The following RPS6KA5 variants were observed in gnomAD, a reference collection of about 807,000 sequenced individuals.
The protein encoded by RPS6KA5 is ribosomal protein S6 kinase A5, also known as ribosomal protein S6 kinase alpha-5.
In RPS6KA5, 27 loss-of-function variants were observed where a neutral mutation model predicts 85.5. The ratio of observed to expected loss-of-function variants is 0.32; its 90% confidence interval spans 0.23 to 0.44. RPS6KA5 has a LOEUF of 0.44. Ranked by LOEUF, RPS6KA5 falls within the 20% of genes least tolerant of loss-of-function variation. The pLI, the probability that RPS6KA5 is intolerant of heterozygous loss-of-function variation, is 1.00. For synonymous variants in RPS6KA5, 334 were observed against 348.2 expected, an observed-to-expected ratio of 0.96 and a Z score of 0.46; for missense variants, 811 against 980.9, an observed-to-expected ratio of 0.83 and a Z score of 2.31.
chr14:91,025,688 G>C (rs1173824977), intron 1 of RPS6KA5, among the ~76,000 whole-genome samples: 10 of 151,728 alleles, frequency 6.6e-5, no homozygotes, highest in Admixed American at 6.6e-4. Context: ...AATCGTCAAG[G>C]CAAATGAGAA....
Position 90,906,226 on chromosome 14 carries a change from A to C in RPS6KA5, c.880T>G (p.Leu294Val), listed in dbSNP as rs996283858. 2 of 1,613,066 alleles carry C rather than the reference A, an allele frequency of 1.2e-6. No homozygotes were observed. The highest frequency in any genetic ancestry group is 2.7e-5 in the African/African-American group (2 of 74,882). Residue 294 changes from leucine (L) to valine (V), a missense_variant, in exon 8 of 17, where the codon TTG becomes GTG. Physicochemically the swap from Leu to Val is conservative, Grantham distance 32 (BLOSUM62 1). Around this residue, in one of 3 missense-constraint regions of RPS6KA5, gnomAD observed 650 missense variants for 793.4 expected, o/e 0.82. Transcript: ENST00000614987. ...AATCTCTTCTTGGGATCTTTCATCAAAAGACGCTGAATTAGGTCTTTCGCT... is the reference window on the plus strand; with the variant it reads ...AATCTCTTCTTGGGATCTTTCATCACAAGACGCTGAATTAGGTCTTTCGCT... Reference protein sequence around the residue: ...ALAKDLIQRLLMKDPKKRLGC... With the variant: ...ALAKDLIQRLVMKDPKKRLGC...
intron 1 of RPS6KA5, among the ~76,000 whole-genome samples, chr14:91,044,250 G>C (rs180807834): frequency 1.7e-5 from 2 of 119,514 alleles, no homozygotes; most frequent in African/African-American, 6.6e-5. Flanking sequence ...GGAGAGAGGG[G>C]GAGAGAGAGA....
chr14:90,960,747 G>T (rs1267387695), intron 3 of RPS6KA5, among the ~76,000 whole-genome samples: 1 of 152,190 alleles, frequency 6.6e-6, no homozygotes, highest in East Asian at 1.9e-4. Flanking sequence ...TTAGATTTCT[G>T]AAAATTCCTT....
At chr14:90,991,449 C>A (rs987757500) in intron 2 of RPS6KA5, among the ~76,000 whole-genome samples, 1 of 152,030 alleles carries the variant, frequency 6.6e-6, no homozygotes, top group Non-Finnish European at 1.5e-5. Flanking sequence ...TACCTGTAAT[C>A]CCAACACTTT....
chr14:90,928,657 A>G (rs763825873), intron 5 of RPS6KA5, among the ~76,000 whole-genome samples: 3 of 151,734 alleles, frequency 2.0e-5, no homozygotes, highest in Non-Finnish European at 2.9e-5. Context: ...ACATTCAAGA[A>G]GAAATAAAAA....
At chr14:90,900,868 T>C (rs973564094) in intron 9 of RPS6KA5, 132 bp from the exon 10 acceptor site, 7 of 716,194 alleles carry the variant, frequency 9.8e-6, no homozygotes, top group Non-Finnish European at 1.5e-5. Context: ...AATTTTATTT[T>C]ATTTGCAATC....
At chr14:90,886,158 C>A (rs1040874042) in intron 14 of RPS6KA5, among the ~76,000 whole-genome samples, 4 of 151,826 alleles carry the variant, frequency 2.6e-5, no homozygotes, top group Non-Finnish European at 4.4e-5. Context: ...GAAGAGCGTG[C>A]ACACTAGAAA....
chr14:90,904,014 T>A (rs1291602993), intron 8 of RPS6KA5, among the ~76,000 whole-genome samples: 3 of 151,844 alleles, frequency 2.0e-5, no homozygotes, highest in Non-Finnish European at 4.4e-5. Flanking sequence ...TGGCGCGATC[T>A]CGGCTCACTA....
At chr14:90,892,931 G>A (rs530731552) in intron 13 of RPS6KA5, among the ~76,000 whole-genome samples, 17 of 152,132 alleles carry the variant, frequency 1.1e-4, no homozygotes, top group African/African-American at 3.1e-4. Context: ...CATTTCAAGT[G>A]AGTATTTGAA....
At chr14:90,934,877 T>C (rs1397876655) in intron 5 of RPS6KA5, among the ~76,000 whole-genome samples, 2 of 152,178 alleles carry the variant, frequency 1.3e-5, no homozygotes, top group African/African-American at 4.8e-5. Flanking sequence ...TATTGTGTAA[T>C]AGTGTTTTAA....
chr14:90,990,570 T>G (rs779222143), intron 2 of RPS6KA5, among the ~76,000 whole-genome samples: 22 of 152,176 alleles, frequency 1.4e-4, no homozygotes, highest in Non-Finnish European at 2.9e-4. Context: ...AAAAGACATA[T>G]GTACTCATAT....
In RPS6KA5 at chr14:90,848,329, G is replaced by T. The variant is rs1360626546; in HGVS notation, c.*23745C>A. On this transcript the variant is annotated 3_prime_UTR_variant, in exon 17 of 17. Transcript: ENST00000614987. ...TATCTATAGCAACGAAGGGAACATG[G>T]AACATTAGCCCTCCTAAACAATTCC... The T allele has an allele frequency of 6.6e-6, 1 of 152,136 alleles. No individual in the cohort carries two copies. The highest frequency in any genetic ancestry group is 1.5e-5 in the Non-Finnish European group (1 of 68,034). The allele number at this position is 152,136 out of a possible 1,614,324, so 9.4% of individuals were successfully genotyped here. A position where few individuals can be genotyped will look rare whatever the true frequency, so the allele number is the denominator to read the frequency against.
At position 90,852,544 on chromosome 14, in the gene RPS6KA5, A is replaced by G. The variant is rs1335324584; in HGVS notation, c.*19530T>C. The G allele has an allele frequency of 6.6e-6, 1 of 152,212 alleles. No individual in the cohort carries two copies. Among genetic ancestry groups the G allele is most frequent in the African/African-American group, 2.4e-5 (1 of 41,452 alleles). The allele number at this position is 152,212 out of a possible 1,614,324, so 9.4% of individuals were successfully genotyped here. On this transcript the variant is annotated 3_prime_UTR_variant, in exon 17 of 17. Coordinates refer to ENST00000614987, the MANE Select transcript of RPS6KA5 (RefSeq NM_004755.4). ...AATGAAAAGTGCAAAGGTTAAGGGA[A>G]AAACAGCATCTGATATGTGCACCCT...
chr14:90,977,401 G>A (rs1478746946), intron 3 of RPS6KA5, among the ~76,000 whole-genome samples: 1 of 152,206 alleles, frequency 6.6e-6, no homozygotes, highest in Non-Finnish European at 1.5e-5. Context: ...GTCTGGGAAT[G>A]TGTGTGAGGA....
At chr14:91,017,554 T>C (rs987151054) in intron 1 of RPS6KA5, among the ~76,000 whole-genome samples, 4 of 152,216 alleles carry the variant, frequency 2.6e-5, no homozygotes, top group African/African-American at 9.6e-5. Flanking sequence ...CAGCACCAGA[T>C]GGATGCCAAT....
rs185272060 is a variant in RPS6KA5 at position 90,957,081 on chromosome 14, T to C, written c.395-9531A>G. Among the ~76,000 whole-genome samples, 659 of 152,160 alleles carry C rather than the reference T, an allele frequency of 4.3e-3. 6 individuals carry two copies. The highest frequency in any genetic ancestry group is 0.015 in the African/African-American group (637 of 41,524). ...GTGTTTTTTGTTTTGTTTTGTTTTT[T>C]TGAGACAGAGTCTCACTCTGTCACC... On this transcript the variant is annotated intron_variant, in intron 3 of 16. Coordinates refer to ENST00000614987, the MANE Select transcript of RPS6KA5 (RefSeq NM_004755.4).
intron 1 of RPS6KA5, among the ~76,000 whole-genome samples, chr14:91,020,739 T>C (rs998005309): frequency 6.6e-6 from 1 of 151,956 alleles, no homozygotes; most frequent in African/African-American, 2.4e-5. Flanking sequence ...TCCTTGAGTA[T>C]AAAATCCAGT....
At chr14:90,993,952 G>A (rs1463205398) in intron 2 of RPS6KA5, among the ~76,000 whole-genome samples, 2 of 151,028 alleles carry the variant, frequency 1.3e-5, no homozygotes, top group Non-Finnish European at 3.0e-5. Context: ...GTAGTGATGT[G>A]ATCATAACTC....
chr14:91,038,483 A>G (rs1014438488), intron 1 of RPS6KA5, among the ~76,000 whole-genome samples: 2 of 152,246 alleles, frequency 1.3e-5, no homozygotes, highest in Non-Finnish European at 2.9e-5. Context: ...ACAAGAGTCC[A>G]TGTCTGTCTC....
Sources: gnomAD v4.1 joint callset for allele counts (sites outside exome capture counted in the v4.1 genomes callset) on GRCh38, gnomAD v4.1.1 for gene constraint, gnomAD v4.1.1 regional missense constraint, MANE v1.5 for transcripts, NCBI Gene and HGNC (gene_info 2026-07-23, HGNC 2026-07-21) for gene names.